ACTN4: variants seen among roughly 807,000 people sequenced by gnomAD.
ACTN4 encodes actinin alpha 4.
Under a neutral mutation model 114.2 loss-of-function variants are expected in ACTN4, and 18 were observed. The ratio of observed to expected loss-of-function variants is 0.16; its 90% CI spans 0.11 to 0.23. The LOEUF (loss-of-function observed/expected upper bound fraction) is 0.23. Ranked by LOEUF, ACTN4 falls within the 10% of genes least tolerant of loss-of-function variation. ACTN4 has a pLI of 1.00. For missense variants in ACTN4, 722 were observed against 1,262.9 expected (o/e 0.57, Z 6.49); for synonymous variants, 515 against 506.3 (o/e 1.02, Z -0.23).
chr19:38,681,765 G>A (rs75801255), intron 1 of ACTN4, among the ~76,000 whole-genome samples: 2,174 of 152,268 alleles, frequency 0.014, 75 homozygotes, highest in Admixed American at 0.083. Context: ...CTCTCTCCTT[G>A]TCCTGAATCT....
chr19:38,649,803 G>A (rs1456569082), intron 1 of ACTN4, among the ~76,000 whole-genome samples: 3 of 152,184 alleles, frequency 2.0e-5, no homozygotes, highest in Non-Finnish European at 4.4e-5. Flanking sequence ...GGTGGAAGGA[G>A]CAGCTGTTCC....
At chr19:38,659,000 T>G (rs766631535) in intron 1 of ACTN4, among the ~76,000 whole-genome samples, 13 of 152,188 alleles carry the variant, frequency 8.5e-5, no homozygotes, top group Non-Finnish European at 7.4e-5. Context: ...GGGGAGGGCC[T>G]TCTTGGCCAT....
rs1468412626 is a variant in ACTN4, at chr19:38,673,568, T to C, written c.162+25661T>C. Among the ~76,000 whole-genome samples, 192 of 37,810 alleles carry C rather than the reference T, an allele frequency of 5.1e-3. 5 individuals are homozygous for C. The highest frequency in any genetic ancestry group is 8.0e-3 in the Non-Finnish European group (108 of 13,520). The allele number at this position is 37,810 out of a possible 152,430, so 24.8% of individuals were successfully genotyped here. On this transcript the variant is annotated intron_variant, in intron 1 of 20. Coordinates refer to ENST00000252699, the MANE Select transcript of ACTN4 (RefSeq NM_004924.6). ...ATATTTATATATACTTATATATATT[T>C]ATATATATTCATATATATTTATATA...
intron 3 of ACTN4, among the ~76,000 whole-genome samples, chr19:38,703,867 G>T (rs997315545): frequency 6.6e-6 from 1 of 152,082 alleles, no homozygotes; most frequent in East Asian, 1.9e-4. Flanking sequence ...AAGCTTACAC[G>T]ATGAGAAGGA....
intron 6 of ACTN4, among the ~76,000 whole-genome samples, chr19:38,708,487 A>G (rs1336423288): frequency 1.3e-5 from 2 of 152,060 alleles, no homozygotes; most frequent in Non-Finnish European, 2.9e-5. Flanking sequence ...CCCTTCCTCA[A>G]TCTTCTGGAT....
intron 1 of ACTN4, among the ~76,000 whole-genome samples, chr19:38,694,156 G>A (rs1483046626): frequency 3.3e-5 from 5 of 152,162 alleles, no homozygotes; most frequent in African/African-American, 7.2e-5. Context: ...TGGGAGGAGC[G>A]GGGCCACCTT....
At chr19:38,677,261 CAGAG>C (rs1454076646) in intron 1 of ACTN4, among the ~76,000 whole-genome samples, 10 of 152,322 alleles carry the variant, frequency 6.6e-5, no homozygotes, top group African/African-American at 2.4e-4. Context: ...GTCACGAGAG[CAGAG>C]AGAGAATCTA....
intron 1 of ACTN4, among the ~76,000 whole-genome samples, chr19:38,656,001 A>G (rs1020373996): frequency 1.3e-5 from 2 of 152,212 alleles, no homozygotes; most frequent in Non-Finnish European, 2.9e-5. Context: ...TTTTCGATCC[A>G]TTGTTGGTTG....
intron 1 of ACTN4, among the ~76,000 whole-genome samples, chr19:38,680,937 C>A (rs1967547327): frequency 6.6e-6 from 1 of 151,820 alleles, no homozygotes; most frequent in Non-Finnish European, 1.5e-5. Flanking sequence ...ACCAGCCTGG[C>A]CAACATGGTG....
At chr19:38,661,568 G>C (rs1976886713) in intron 1 of ACTN4, among the ~76,000 whole-genome samples, 1 of 152,206 alleles carries the variant, frequency 6.6e-6, no homozygotes, top group South Asian at 2.1e-4. Context: ...GTAAAATGTT[G>C]AGTCTCCTTC....
Position 38,649,083 on chromosome 19 carries a change from G to A in ACTN4, c.162+1176G>A, listed in dbSNP as rs1379504078. 2.7e-5 allele frequency among the ~76,000 whole-genome samples: 4 copies of A among 149,388 alleles called. No individual in the cohort carries two copies. In the East Asian group the frequency reaches 6.1e-4, roughly 23 times the overall value. ...AGAATGAGTTTGGGGAGGAAGCGTT[G>A]AGAGTGTCCAGGAAGAATTGTGTCT... On this transcript the variant is annotated intron_variant, in intron 1 of 20. Transcript: ENST00000252699.
chr19:38,721,294 G>T (rs1327248348), intron 11 of ACTN4, among the ~76,000 whole-genome samples: 1 of 152,236 alleles, frequency 6.6e-6, no homozygotes, highest in Non-Finnish European at 1.5e-5. Flanking sequence ...AGGTTGAGAT[G>T]GAATCTCTCT....
intron 1 of ACTN4, 193 bp downstream of exon 1, chr19:38,648,100 T>C: frequency 1.7e-6 from 1 of 592,792 alleles, no homozygotes. Context: ...ATTGGGAATC[T>C]GAAAAGAGAA....
rs574984555 is a variant in ACTN4 at position 38,730,735 on chromosome 19, G to A, written c.*1303G>A. ...CCGGCCGTGAGCAGTGAGGGCCAGA[G>A]ACTAGCCCCAGACAGGTGGATGCCA... On this transcript the variant is annotated 3_prime_UTR_variant, in exon 21 of 21. Transcript: ENST00000252699. 1 of 1,314,828 alleles carries A rather than the reference G, an allele frequency of 7.6e-7. No homozygotes were observed. Among genetic ancestry groups the A allele is most frequent in the South Asian group, 1.3e-5 (1 of 77,752 alleles). 81.4% of individuals were successfully genotyped at this position (1,314,828 alleles called of 1,614,324 possible).
In ACTN4 at chr19:38,717,723, C is replaced by T. The variant is rs1337951121; in HGVS notation, c.1144-204C>T. 1.3e-5 allele frequency among the ~76,000 whole-genome samples: 2 copies of T among 152,218 alleles called. No homozygotes were observed. The highest frequency in any genetic ancestry group is 4.8e-5 in the African/African-American group (2 of 41,452). ...ATTCATTCATGCACTCACCCGTTCA[C>T]GCATTCATTTTGTTAATCCAGAATT... On this transcript the variant is annotated intron_variant, in intron 10 of 20. Coordinates refer to ENST00000252699, the MANE Select transcript of ACTN4 (RefSeq NM_004924.6). The surrounding 1 kb of genome is among the most constrained non-coding windows in gnomAD (Gnocchi z 4.0).
At chr19:38,657,929 A>G (rs957128940) in intron 1 of ACTN4, among the ~76,000 whole-genome samples, 2 of 152,138 alleles carry the variant, frequency 1.3e-5, no homozygotes, top group African/African-American at 4.8e-5. Context: ...TCTATGATCA[A>G]TCTCCATCTG....
At chr19:38,712,761 C>G (rs1968700727) in intron 8 of ACTN4, among the ~76,000 whole-genome samples, 1 of 152,172 alleles carries the variant, frequency 6.6e-6, no homozygotes, top group South Asian at 2.1e-4. Context: ...CCCTACGGGC[C>G]CCGAACCAGC....
Position 38,709,386 on chromosome 19 carries a change from T to G in ACTN4, c.652-9T>G. 1 of 1,612,336 alleles carries G rather than the reference T, an allele frequency of 6.2e-7. No homozygotes were observed. Among genetic ancestry groups the G allele is most frequent in the Admixed American group, 1.7e-5 (1 of 60,026 alleles). The stretch of plus-strand genomic sequence containing the variant: ...GGAGTTCTTGTTGTCCCCACTTGCC[T>G]CCTTCTAGGACGACCCTGTCACCAA... On this transcript the variant is annotated splice_polypyrimidine_tract_variant and intron_variant, in intron 6 of 20. Coordinates refer to ENST00000252699, the MANE Select transcript of ACTN4 (RefSeq NM_004924.6).
chr19:38,663,122 G>A (rs1157083957), intron 1 of ACTN4, among the ~76,000 whole-genome samples: 1 of 152,068 alleles, frequency 6.6e-6, no homozygotes, highest in Non-Finnish European at 1.5e-5. Context: ...TGTTGGCCGG[G>A]CTGGTTGTGA....
Sources: gnomAD v4.1 joint callset for allele counts (sites outside exome capture counted in the v4.1 genomes callset) on GRCh38, gnomAD v4.1.1 for gene constraint, Gnocchi (gnomAD v3.1) non-coding constraint, MANE v1.5 for transcripts, NCBI Gene and HGNC (gene_info 2026-07-23, HGNC 2026-07-21) for gene names.